The following ERBB4 variants were observed in gnomAD, a reference collection of about 807,000 sequenced individuals.
ERBB4 encodes the protein erb-b2 receptor tyrosine kinase 4, also known as receptor tyrosine-protein kinase erbB-4.
In ERBB4, 42 loss-of-function variants were observed where a neutral mutation model predicts 158.0. The observed-to-expected ratio is 0.27, with a 90% CI of 0.21 to 0.34. The LOEUF is 0.34. Ranked by LOEUF, ERBB4 falls within the 10% of genes least tolerant of loss-of-function variation. ERBB4 has a pLI of 1.00. For missense variants in ERBB4, 1,333 were observed against 1,624.1 expected, an observed-to-expected ratio of 0.82 and a Z score of 3.08; for synonymous variants, 583 against 558.7, an observed-to-expected ratio of 1.04 and a Z score of -0.61.
At chr2:212,433,471 TC>T (rs1178628303) in intron 1 of ERBB4, among the ~76,000 whole-genome samples, 1 of 152,022 alleles carries the variant, frequency 6.6e-6, no homozygotes, top group African/African-American at 2.4e-5. Flanking sequence ...GCCAACATAT[TC>T]AATCACCTGT....
At chr2:211,901,728 G>C (rs2079240126) in intron 3 of ERBB4, among the ~76,000 whole-genome samples, 1 of 152,088 alleles carries the variant, frequency 6.6e-6, no homozygotes, top group Admixed American at 6.6e-5. Flanking sequence ...AAGGAAAATT[G>C]ACAGCCTAAT....
At chr2:211,541,094 C>T (rs1398260030) in intron 20 of ERBB4, among the ~76,000 whole-genome samples, 1 of 151,728 alleles carries the variant, frequency 6.6e-6, no homozygotes, top group Admixed American at 6.6e-5. Context: ...ATTTCCTTTT[C>T]GGGGGAAAAG....
chr2:212,511,051 T>C (rs1340490006), intron 1 of ERBB4, among the ~76,000 whole-genome samples: 2 of 152,144 alleles, frequency 1.3e-5, no homozygotes, highest in African/African-American at 4.8e-5. Flanking sequence ...ACATGGCATG[T>C]ACTCAAAAAA....
intron 1 of ERBB4, among the ~76,000 whole-genome samples, chr2:212,500,969 G>T (rs181385985): frequency 4.7e-5 from 6 of 127,342 alleles, no homozygotes; most frequent in Admixed American, 7.0e-5. Context: ...TTATTTGAAT[G>T]AGAAAAGGGG....
intron 1 of ERBB4, among the ~76,000 whole-genome samples, chr2:212,496,818 C>G (rs749505513): frequency 6.6e-6 from 1 of 152,100 alleles, no homozygotes; most frequent in Non-Finnish European, 1.5e-5. Context: ...CCTGCTTATG[C>G]TCTATATCCT....
At chr2:212,471,019 A>G (rs565294890) in intron 1 of ERBB4, among the ~76,000 whole-genome samples, 1 of 152,202 alleles carries the variant, frequency 6.6e-6, no homozygotes, top group East Asian at 1.9e-4. Context: ...CACAGGACCT[A>G]GACAAGAATA....
Position 211,529,632 on chromosome 2 carries a change from T to C in ERBB4, c.2487+32271A>G, listed in dbSNP as rs148086160. Among the ~76,000 whole-genome samples the C allele has an allele frequency of 2.6e-5, 4 of 152,214 alleles. No homozygotes were observed. The East Asian group carries it at 7.7e-4, about 29-fold the overall frequency. ...CATCAAGCCAAATTCAACAACATAT[T>C]GGAAAGATAATTCATCATAACCAAG... On this transcript the variant is annotated intron_variant, in intron 20 of 27. Transcript: ENST00000342788.
intron 1 of ERBB4, among the ~76,000 whole-genome samples, chr2:212,143,200 T>G (rs935250236): frequency 1.3e-5 from 2 of 152,182 alleles, no homozygotes. Context: ...CCTCATAATT[T>G]AACTGTTTTG....
intron 2 of ERBB4, among the ~76,000 whole-genome samples, chr2:211,981,417 A>T (rs1263209360): frequency 6.6e-6 from 1 of 152,210 alleles, no homozygotes; most frequent in African/African-American, 2.4e-5. Flanking sequence ...CTAAAAATCC[A>T]AACCTACTTA....
chr2:211,593,425 C>T (rs933199472), intron 19 of ERBB4, among the ~76,000 whole-genome samples: 18 of 152,248 alleles, frequency 1.2e-4, no homozygotes, highest in African/African-American at 4.3e-4. Flanking sequence ...TTGAGAAATG[C>T]AAGAAATTCA....
chr2:211,857,495 T>C (rs2077901367), intron 3 of ERBB4, among the ~76,000 whole-genome samples: 1 of 145,570 alleles, frequency 6.9e-6, no homozygotes, highest in Non-Finnish European at 1.5e-5. Context: ...AACTTGAAAA[T>C]TACTTTTTTT....
At chr2:211,934,928 A>AAAAAAAAAAAAAAC (rs1213690417) in intron 3 of ERBB4, among the ~76,000 whole-genome samples, 1 of 146,458 alleles carries the variant, frequency 6.8e-6, no homozygotes, top group Non-Finnish European at 1.5e-5. Context: ...CATTCAGCTA[A>AAAAAAAAAAAAAAC]AAAAAAAAAA....
chr2:211,805,485 C>T (rs573086269), intron 3 of ERBB4, among the ~76,000 whole-genome samples: 12 of 152,254 alleles, frequency 7.9e-5, no homozygotes, highest in South Asian at 6.2e-4. Flanking sequence ...CAAGGAGAGA[C>T]GTATTTATTT....
At chr2:211,393,568 A>C (rs2125334873) in intron 25 of ERBB4, among the ~76,000 whole-genome samples, 1 of 152,284 alleles carries the variant, frequency 6.6e-6, no homozygotes, top group South Asian at 2.1e-4. Context: ...TTCTTTCTCT[A>C]GTTTTAGTGA....
At chr2:211,609,575 C>CTCTG (rs2069115795) in intron 19 of ERBB4, among the ~76,000 whole-genome samples, 1 of 152,136 alleles carries the variant, frequency 6.6e-6, no homozygotes, top group Admixed American at 6.5e-5. Flanking sequence ...CAGGATCTTG[C>CTCTG]TCTGTCACCC....
At chr2:212,435,083 TA>T (rs1399355218) in intron 1 of ERBB4, among the ~76,000 whole-genome samples, 5 of 152,004 alleles carry the variant, frequency 3.3e-5, no homozygotes, top group African/African-American at 7.2e-5. Context: ...ATTTCATTTC[TA>T]AGTCTCATAG....
intron 1 of ERBB4, among the ~76,000 whole-genome samples, chr2:212,402,284 T>G (rs1226002973): frequency 1.3e-5 from 2 of 152,268 alleles, no homozygotes; most frequent in African/African-American, 4.8e-5. Context: ...TATTATCTAT[T>G]TATATAAAAT....
chr2:211,651,050 C>T (rs575334454), intron 16 of ERBB4, among the ~76,000 whole-genome samples: 1 of 152,046 alleles, frequency 6.6e-6, no homozygotes, highest in Admixed American at 6.6e-5. Flanking sequence ...TTTATATTAA[C>T]CAGGGAGTAC....
chr2:211,655,665 T>C (rs751383791), intron 16 of ERBB4, among the ~76,000 whole-genome samples: 3 of 152,216 alleles, frequency 2.0e-5, no homozygotes, highest in Non-Finnish European at 2.9e-5. Context: ...TAGCTGATAA[T>C]GCAGTTGCTC....
Sources: gnomAD v4.1 joint callset for allele counts (sites outside exome capture counted in the v4.1 genomes callset) on GRCh38, gnomAD v4.1.1 for gene constraint, MANE v1.5 for transcripts, NCBI Gene and HGNC (gene_info 2026-07-23, HGNC 2026-07-21) for gene names.